Variants in LTBP1 observed in about 807,000 individuals in gnomAD.
The protein encoded by LTBP1 is latent-transforming growth factor beta-binding protein 1.
In LTBP1, 129 loss-of-function variants were observed where a neutral mutation model predicts 207.6. The observed-to-expected ratio is 0.62, with a 90% CI of 0.54 to 0.72. The LOEUF (loss-of-function observed/expected upper bound fraction) is 0.72. Among genes scored for constraint, LTBP1 ranks in the 30% least tolerant of loss-of-function variants. The probability of loss-of-function intolerance (pLI) is 0.00; values close to 1 mark genes in which losing one functional copy is unlikely to be tolerated. For synonymous variants in LTBP1, 963 were observed against 833.7 expected (o/e 1.16, Z -2.67); for missense variants, 2,281 against 2,217.2 (o/e 1.03, Z -0.58).
intron 5 of LTBP1, among the ~76,000 whole-genome samples, chr2:33,144,933 GC>G (rs945868676): frequency 4.6e-5 from 7 of 152,254 alleles, no homozygotes; most frequent in Non-Finnish European, 8.8e-5. Context: ...TTTGAGGTCA[GC>G]CACATAGTCA....
At chr2:33,010,986 G>A (rs1687602681) in intron 2 of LTBP1, among the ~76,000 whole-genome samples, 1 of 152,110 alleles carries the variant, frequency 6.6e-6, no homozygotes. Flanking sequence ...CCAAGGTGCT[G>A]GAATTACAGG....
chr2:33,371,702 C>T (rs913917534), intron 31 of LTBP1, among the ~76,000 whole-genome samples: 1 of 152,170 alleles, frequency 6.6e-6, no homozygotes, highest in Non-Finnish European at 1.5e-5. Flanking sequence ...CAATGCCTGG[C>T]ATTTTCAACA....
At chr2:33,250,445 T>G (rs775855070) in intron 10 of LTBP1, among the ~76,000 whole-genome samples, 3 of 152,006 alleles carry the variant, frequency 2.0e-5, no homozygotes, top group Non-Finnish European at 4.4e-5. Flanking sequence ...CAGAGAACAC[T>G]GAGGTTTAAC....
intron 26 of LTBP1, among the ~76,000 whole-genome samples, chr2:33,349,625 G>T (rs1231008606): frequency 6.6e-6 from 1 of 152,080 alleles, no homozygotes; most frequent in Non-Finnish European, 1.5e-5. Context: ...CAAAACAAAT[G>T]AATGTAAAAT....
At chr2:33,282,940 A>G (rs59953160) in intron 19 of LTBP1, among the ~76,000 whole-genome samples, 6,272 of 151,880 alleles carry the variant, frequency 0.041, 438 homozygotes, top group African/African-American at 0.14. Context: ...GCACGCGCCT[A>G]TAATCCCAGC....
At chr2:33,314,792 G>A (rs140862037) in intron 23 of LTBP1, among the ~76,000 whole-genome samples, 7 of 152,318 alleles carry the variant, frequency 4.6e-5, no homozygotes, top group Admixed American at 4.6e-4. Flanking sequence ...ATGGCAATGG[G>A]AGAGGGCAAA....
In LTBP1 at chr2:33,280,046, T is replaced by C. The variant is rs1573587101; in HGVS notation, c.3000T>C (p.Asp1000=). Residue 1000 remains aspartate, a synonymous_variant, in exon 19 of 34, where the codon GAT becomes GAC. Transcript: ENST00000404816. ...AGGTTTTTGATTTTTCAGATATTGA[T>C]GAATGTTTGAATCCAAGCACTTGTC... ...MTQRGRCEDI[D]ECLNPSTCPD... 6.2e-7 allele frequency: 1 copy of C among 1,613,754 alleles called. No individual in the cohort carries two copies. The highest frequency in any genetic ancestry group is 8.5e-7 in the Non-Finnish European group (1 of 1,179,954).
chr2:33,216,474 A>G (rs1047603260), intron 7 of LTBP1, among the ~76,000 whole-genome samples: 1 of 152,172 alleles, frequency 6.6e-6, no homozygotes, highest in African/African-American at 2.4e-5. Flanking sequence ...GGGAATAGGA[A>G]GGACCTTATA....
intron 2 of LTBP1, among the ~76,000 whole-genome samples, chr2:32,981,215 T>C (rs1682715631): frequency 6.6e-6 from 1 of 152,222 alleles, no homozygotes; most frequent in Admixed American, 6.5e-5. Context: ...AACTCTTAGA[T>C]TTGCCCCATT....
chr2:33,236,944 G>A (rs1479511238), intron 9 of LTBP1, among the ~76,000 whole-genome samples: 2 of 152,172 alleles, frequency 1.3e-5, no homozygotes, highest in Non-Finnish European at 2.9e-5. Flanking sequence ...AGGAGTTGCT[G>A]CCACAGTGGT....
intron 30 of LTBP1, among the ~76,000 whole-genome samples, chr2:33,364,835 T>G (rs1574028175): frequency 6.6e-6 from 1 of 152,330 alleles, no homozygotes; most frequent in Non-Finnish European, 1.5e-5. Flanking sequence ...ATTGGCATAA[T>G]CTGTCATTCG....
chr2:33,287,927 A>G (rs1285706177), intron 19 of LTBP1, among the ~76,000 whole-genome samples: 11 of 152,150 alleles, frequency 7.2e-5, no homozygotes, highest in Admixed American at 7.2e-4. Flanking sequence ...TTTTCTGCCA[A>G]ATATGTTCTT....
intron 4 of LTBP1, among the ~76,000 whole-genome samples, chr2:33,114,415 T>A (rs1182823481): frequency 2.0e-5 from 3 of 152,186 alleles, no homozygotes. Context: ...GGCTATAGTT[T>A]GCCAATTCTT....
chr2:33,324,815 C>T (rs974063399), intron 24 of LTBP1, among the ~76,000 whole-genome samples: 5 of 150,804 alleles, frequency 3.3e-5, no homozygotes, highest in African/African-American at 9.8e-5. Context: ...GATTCTCCTG[C>T]CTCACCCTCC....
chr2:33,288,341 G>T (rs1156797021), intron 19 of LTBP1, among the ~76,000 whole-genome samples: 1 of 152,192 alleles, frequency 6.6e-6, no homozygotes, highest in African/African-American at 2.4e-5. Flanking sequence ...GTGCCCACCA[G>T]GGAGGGGCTT....
At chr2:33,389,584 C>CA (rs1195279038) in intron 32 of LTBP1, among the ~76,000 whole-genome samples, 1 of 152,144 alleles carries the variant, frequency 6.6e-6, no homozygotes, top group African/African-American at 2.4e-5. Context: ...TCAAAACAAA[C>CA]AAAAAGAACC....
intron 5 of LTBP1, among the ~76,000 whole-genome samples, chr2:33,185,229 G>A (rs2087070273): frequency 6.6e-6 from 1 of 152,154 alleles, no homozygotes; most frequent in African/African-American, 2.4e-5. Flanking sequence ...CCCTGTAATG[G>A]GCAAAAAGTT....
At chr2:33,193,067 A>G (rs72855787) in intron 7 of LTBP1, among the ~76,000 whole-genome samples, 12,153 of 152,266 alleles carry the variant, frequency 0.08, 1,048 homozygotes, top group African/African-American at 0.22. Context: ...ATGTCATTAG[A>G]TGATATTTTG....
intron 5 of LTBP1, among the ~76,000 whole-genome samples, chr2:33,176,983 C>T (rs77037756): frequency 0.015 from 2,263 of 152,258 alleles, 23 homozygotes; most frequent in East Asian, 0.027. Flanking sequence ...ATTCAGGTCA[C>T]ACAACAGCCA....
Sources: gnomAD v4.1 joint callset for allele counts (sites outside exome capture counted in the v4.1 genomes callset) on GRCh38, gnomAD v4.1.1 for gene constraint, MANE v1.5 for transcripts, NCBI Gene and HGNC (gene_info 2026-07-23, HGNC 2026-07-21) for gene names.